Variants in NCF4 observed in about 807,000 individuals in gnomAD.
NCF4 encodes neutrophil cytosol factor 4.
In NCF4, 30 loss-of-function variants were observed where a neutral mutation model predicts 41.7. The ratio of observed to expected loss-of-function variants is 0.72; its 90% CI spans 0.54 to 0.97. The LOEUF (loss-of-function observed/expected upper bound fraction) is 0.97, where lower values mean the gene tolerates loss of function less well. Among genes scored for constraint, NCF4 ranks in the 50% least tolerant of loss-of-function variants. The pLI, the probability that NCF4 is intolerant of heterozygous loss-of-function variation, is 0.00. For missense variants in NCF4, 432 were observed against 460.9 expected (o/e 0.94, Z 0.57); for synonymous variants, 195 against 175.8 (o/e 1.11, Z -0.87).
chr22:36,875,021 TA>T (rs1256252567), intron 7 of NCF4, among the ~76,000 whole-genome samples: 2 of 152,180 alleles, frequency 1.3e-5, no homozygotes, highest in African/African-American at 2.4e-5. Flanking sequence ...GACTTATTAT[TA>T]TTTTTTTATT....
At chr22:36,862,558 G>A (rs1343598433) in intron 1 of NCF4, among the ~76,000 whole-genome samples, 1 of 152,126 alleles carries the variant, frequency 6.6e-6, no homozygotes, top group African/African-American at 2.4e-5. Context: ...GCAGGACTGT[G>A]CACTCCCTCC....
At chr22:36,862,535 G>T (rs574135245) in intron 1 of NCF4, among the ~76,000 whole-genome samples, 1 of 152,266 alleles carries the variant, frequency 6.6e-6, no homozygotes, top group Non-Finnish European at 1.5e-5. Context: ...GGGATGACAC[G>T]GAGAGCTGAC....
chr22:36,872,876 TTGGAGGTGAGGA>T (rs1275268825), intron 7 of NCF4, among the ~76,000 whole-genome samples: 3 of 104,858 alleles, frequency 2.9e-5, no homozygotes, highest in Non-Finnish European at 3.9e-5. Flanking sequence ...GGCAGTAAGG[TTGGAGGTGAGGA>T]TGGAGGTGAG....
intron 4 of NCF4, among the ~76,000 whole-genome samples, chr22:36,868,623 C>T (rs1939982951): frequency 6.6e-6 from 1 of 151,730 alleles, no homozygotes. Context: ...GAGGCTCCAC[C>T]CTTCTCCCCC....
intron 1 of NCF4, among the ~76,000 whole-genome samples, chr22:36,861,850 C>G (rs1939781941): frequency 6.6e-6 from 1 of 152,144 alleles, no homozygotes. Flanking sequence ...GGACCAAGGG[C>G]TCAATAAATG....
rs1046003492 is a variant in NCF4, at chr22:36,864,067, G to A, written c.55G>A (p.Asp19Asn). ...AESDFEQLPD[D>N]VAISANIADI... is the part of the protein sequence containing the mutation. ...CAGTGACTTTGAACAGCTTCCGGAT[G>A]ATGTTGCCATCTCGGCCAACATTGC... is the stretch of plus-strand genomic sequence containing the variant. Residue 19 changes from aspartate to asparagine, a missense_variant, in exon 2 of 10, where the codon GAT becomes AAT. Transcript: ENST00000248899. The A allele has an allele frequency of 1.2e-6, 2 of 1,614,070 alleles. No individual in the cohort carries two copies. Among genetic ancestry groups the A allele is most frequent in the African/African-American group, 2.7e-5 (2 of 74,916 alleles).
rs200327982 is a variant in NCF4 at position 36,876,131 on chromosome 22, T to C, written c.824+37T>C. On this transcript the variant is annotated intron_variant, in intron 9 of 9. Coordinates refer to ENST00000248899, the MANE Select transcript of NCF4 (RefSeq NM_000631.5). ...GGAATGGGGCTGGGGAGTTAGATAC[T>C]CTGGAGAAGAGAGCGCAGGGAGAAA... The C allele has an allele frequency of 9.0e-6, 14 of 1,550,090 alleles. No individual in the cohort carries two copies. The Admixed American group carries it at 2.4e-4, about 27-fold the overall frequency.
intron 2 of NCF4, among the ~76,000 whole-genome samples, chr22:36,864,702 A>G (rs1340446989): frequency 7.0e-5 from 10 of 142,534 alleles, no homozygotes; most frequent in Admixed American, 1.4e-4. Flanking sequence ...CTCTTTTTCC[A>G]GTTTTTTTTT....
At position 36,877,737 on chromosome 22, in the gene NCF4, G is replaced by T. The variant is rs199618052; in HGVS notation, c.934G>T (p.Gly312Cys). Residue 312 changes from glycine to cysteine, a missense_variant, in exon 10 of 10, where the codon GGC (glycine) becomes TGC (cysteine). By Grantham distance (159) the Gly-to-Cys change is radical. Coordinates refer to ENST00000248899, the MANE Select transcript of NCF4 (RefSeq NM_000631.5). Reference sequence around the variant, plus strand: ...AGCGCTCATGGTGCGGCAGGCTCGTGGCCTCCCCTCCCAGAAGCGCCTCTT... The same window carrying T: ...AGCGCTCATGGTGCGGCAGGCTCGTTGCCTCCCCTCCCAGAAGCGCCTCTT... The part of the protein sequence containing the change: ...DVALMVRQAR[G>C]LPSQKRLFPW... 1.6e-4 allele frequency: 255 copies of T among 1,614,072 alleles called. 1 individual carries two copies. The East Asian group carries it at 4.7e-3, about 29-fold the overall frequency.
intron 3 of NCF4, 140 bp from the exon 4 acceptor site, chr22:36,867,252 G>A (rs1000820930): frequency 1.2e-6 from 1 of 844,326 alleles, no homozygotes; most frequent in East Asian, 2.6e-5. Flanking sequence ...GGCCACTTCA[G>A]TGCTGTGAAA....
rs998359099 is a variant in NCF4, at chr22:36,877,564, C to T, written c.825-64C>T. On this transcript the variant is annotated intron_variant, in intron 9 of 9. Transcript: ENST00000248899. ...GCTTCAGGACATAAAACCCTTTTCA[C>T]CCCCTCTCCCTACCCCTACCTTACG... 8 of 1,570,580 alleles carry T rather than the reference C, an allele frequency of 5.1e-6. No homozygotes were observed. The African/African-American group carries it at 1.1e-4, about 21-fold the overall frequency.
chr22:36,872,630 TG>T (rs1940090136), intron 7 of NCF4, among the ~76,000 whole-genome samples: 1 of 29,952 alleles, frequency 3.3e-5, no homozygotes, highest in Non-Finnish European at 1.0e-4. Flanking sequence ...AGATTGGAGG[TG>T]AGGGTGGAGG....
intron 9 of NCF4, 113 bp downstream of exon 9, chr22:36,876,207 T>C: frequency 9.0e-7 from 1 of 1,112,154 alleles, no homozygotes; most frequent in Non-Finnish European, 1.3e-6. Flanking sequence ...CTTTGTCTTC[T>C]CTTTTTATCC....
intron 1 of NCF4, among the ~76,000 whole-genome samples, chr22:36,861,817 T>C (rs1939781356): frequency 6.6e-6 from 1 of 152,206 alleles, no homozygotes; most frequent in Admixed American, 6.5e-5. Context: ...CACTAGGAGG[T>C]AGCTCATCCC....
Position 36,877,935 on chromosome 22 carries a change from C to A in NCF4, c.*112C>A. 9.6e-7 allele frequency: 1 copy of A among 1,037,584 alleles called. No individual in the cohort carries two copies. The highest frequency in any genetic ancestry group is 1.4e-6 in the Non-Finnish European group (1 of 703,594). 64.3% of individuals were successfully genotyped at this position (1,037,584 alleles called of 1,614,324 possible). On this transcript the variant is annotated 3_prime_UTR_variant, in exon 10 of 10. Coordinates refer to ENST00000248899, the MANE Select transcript of NCF4 (RefSeq NM_000631.5). The stretch of plus-strand genomic sequence containing the variant: ...ATGGGCAGACTTCCTGTCTTTGAGG[C>A]TAATGGACCCGTGGGGCTTGTAATC...
intron 5 of NCF4, 110 bp downstream of exon 5, chr22:36,870,652 C>A: frequency 1.4e-6 from 2 of 1,420,718 alleles, no homozygotes; most frequent in African/African-American, 1.4e-5. Flanking sequence ...AGCCATATCC[C>A]TGGACACTCC....
chr22:36,866,489 G>A lies in NCF4; in HGVS notation c.272-903G>A, dbSNP rs7288939. On this transcript the variant is annotated intron_variant, in intron 3 of 9. Coordinates refer to ENST00000248899, the MANE Select transcript of NCF4 (RefSeq NM_000631.5). ...TTGGAAGGTGGGGATCCTCTGAGCA[G>A]ACATCCTCTCTCCCCTGCCTTGTCT... Among the ~76,000 whole-genome samples the A allele has an allele frequency of 8.0e-3, 1,225 of 152,214 alleles. 9 individuals are homozygous for A. The highest frequency in any genetic ancestry group is 0.013 in the Non-Finnish European group (900 of 67,998).
chr22:36,862,351 G>T (rs978095911), intron 1 of NCF4, among the ~76,000 whole-genome samples: 3 of 152,190 alleles, frequency 2.0e-5, no homozygotes, highest in African/African-American at 7.2e-5. Context: ...GAGTCCACGT[G>T]GCCTTCCTGA....
rs566298906 is a variant in NCF4 at position 36,871,502 on chromosome 22, C to T, written c.471-150C>T. The T allele has an allele frequency of 3.8e-5, 32 of 846,860 alleles. No individual in the cohort carries two copies. In the African/African-American group the frequency reaches 4.0e-4, roughly 11 times the overall value. The allele number at this position is 846,860 out of a possible 1,614,324, so 52.5% of individuals were successfully genotyped here. ...GTGAGGATTTGGGGACAAGTGTGCC[C>T]GCCCAGAGGAGCAATTGCAGCCACA... is the stretch of plus-strand genomic sequence containing the variant. On this transcript the variant is annotated intron_variant, in intron 5 of 9. Transcript: ENST00000248899.
Sources: allele counts gnomAD v4.1 joint callset (sites outside exome capture counted in the v4.1 genomes callset), GRCh38; gene constraint gnomAD v4.1.1; transcripts MANE v1.5; gene names NCBI Gene and HGNC (gene_info 2026-07-23, HGNC 2026-07-21).